The following ZXDA variants were observed in gnomAD, a reference collection of about 807,000 sequenced individuals.
ZXDA encodes zinc finger X-linked protein ZXDA.
ZXDA carries 5 observed loss-of-function variants against 10.1 expected under a neutral mutation model. That is an observed-to-expected ratio of 0.50 (90% CI 0.26 to 1.04). ZXDA has a LOEUF of 1.04. Ranked by LOEUF, ZXDA falls within the 50% of genes least tolerant of loss-of-function variation. ZXDA has a pLI of 0.14. For synonymous variants in ZXDA, 266 were observed against 313.1 expected, an observed-to-expected ratio of 0.85 and a Z score of 1.59; for missense variants, 501 against 672.4, an observed-to-expected ratio of 0.75 and a Z score of 2.82.
Position 57,909,002 on chromosome X carries a change from C to T in ZXDA, c.1419G>A (p.Lys473=), listed in dbSNP as rs1214018615. The T allele has an allele frequency of 1.7e-6, 2 of 1,211,768 alleles. No homozygotes were observed. The highest frequency in any genetic ancestry group is 2.2e-6 in the Non-Finnish European group (2 of 895,532). ...SMSKLLRHKR[K]HDDDRRFMCP... is the part of the protein sequence containing the mutation. ...ACATGAACCTCCGGTCATCGTCGTGCTTCCTTTTGTGCCTTAAGAGTTTGG... is the reference window on the plus strand; with the variant it reads ...ACATGAACCTCCGGTCATCGTCGTGTTTCCTTTTGTGCCTTAAGAGTTTGG... The change falls in exon 1 of 1, where the codon AAG becomes AAA. Residue 473 remains lysine, a synonymous_variant. Transcript: ENST00000358697.
At position 57,908,111 on chromosome X, in the gene ZXDA, G is replaced by A. The variant is rs1433912961; in HGVS notation, c.2310C>T (p.Thr770=). The A allele has an allele frequency of 1.7e-6, 2 of 1,211,977 alleles. No individual in the cohort carries two copies. The highest frequency in any genetic ancestry group is 3.5e-5 in the South Asian group (2 of 56,993). The part of the protein sequence containing the change: ...NSDFFGQEGE[T]QFGFPNAAGN... The stretch of plus-strand genomic sequence containing the variant: ...CTGCTGCATTGGGGAATCCAAACTG[G>A]GTTTCTCCCTCCTGTCCAAAGAAGT... The change falls in exon 1 of 1, where the codon ACC becomes ACT. Residue 770 remains threonine, a synonymous_variant. Transcript: ENST00000358697.
chrX:57,907,039 T>G lies in ZXDA; in HGVS notation c.*982A>C, dbSNP rs961807874. 3.5e-5 allele frequency: 4 copies of G among 112,780 alleles called. 1 individual carries two copies. Among genetic ancestry groups the G allele is most frequent in the Non-Finnish European group, 5.6e-5 (3 of 53,287 alleles). The allele number at this position is 112,780 out of a possible 1,213,427, so 9.3% of individuals were successfully genotyped here. ...GACCGAAGATACTATCAAATTGGTC[T>G]AATGGACATGTGGCCAATGCCACAA... On this transcript the variant is annotated 3_prime_UTR_variant, in exon 1 of 1. Transcript: ENST00000358697.
Position 57,906,656 on chromosome X carries a change from C to CCACACA in ZXDA, c.*1364_*1365insTGTGTG, listed in dbSNP as rs1569184879. The CCACACA allele has an allele frequency of 4.1e-3, 352 of 85,350 alleles. No homozygotes were observed. The highest frequency in any genetic ancestry group is 0.016 in the African/African-American group (328 of 19,880). The allele number at this position is 85,350 out of a possible 1,213,427, so 7.0% of individuals were successfully genotyped here. ...GGAAATATTTCCTCTTTGTTTTGAGCTACACACACACACACACACACACAC... is the reference window on the plus strand; with the variant it reads ...GGAAATATTTCCTCTTTGTTTTGAGCCACACATACACACACACACACACACACACAC... On this transcript the variant is annotated 3_prime_UTR_variant, in exon 1 of 1. Coordinates refer to ENST00000358697, the MANE Select transcript of ZXDA (RefSeq NM_007156.5).
Position 57,909,319 on chromosome X carries a change from T to G in ZXDA, c.1102A>C (p.Ser368Arg), listed in dbSNP as rs2014395294. Residue 368 changes from serine (S) to arginine (R), a missense_variant, in exon 1 of 1, where the codon AGC (serine) becomes CGC (arginine). By Grantham distance (110) the Ser-to-Arg change is moderately radical. Around this residue, in one of 5 missense-constraint regions of ZXDA, gnomAD observed 171 missense variants for 262.7 expected, o/e 0.65. Transcript: ENST00000358697. ...CCGAGTTTGGCCTGCGTGGGGAAGCTCTCCTCGCACACCTCACATTTGAAC... is the reference window on the plus strand; with the variant it reads ...CCGAGTTTGGCCTGCGTGGGGAAGCGCTCCTCGCACACCTCACATTTGAAC... ...NSFKCEVCEE[S>R]FPTQAKLGAH... 3 of 1,210,094 alleles carry G rather than the reference T, an allele frequency of 2.5e-6. No homozygotes were observed.
chrX:57,910,012 C>A lies in ZXDA; in HGVS notation c.409G>T (p.Ala137Ser). ...ESGANPAGCS[A>S]QGPHCLSAVP... ...GCGGACAGGCAGTGGGGGCCCTGCG[C>A]AGAGCAGCCCGCGGGGTTCGCGCCG... The change falls in exon 1 of 1, where the codon GCG (alanine) becomes TCG (serine). Residue 137 changes from alanine (A) to serine (S), a missense_variant. Ala to Ser is a moderately conservative substitution (Grantham distance 99). Transcript: ENST00000358697. 2.8e-6 allele frequency: 3 copies of A among 1,067,423 alleles called. 1 individual carries two copies. The highest frequency in any genetic ancestry group is 3.7e-6 in the Non-Finnish European group (3 of 813,734). 88.0% of individuals were successfully genotyped at this position (1,067,423 alleles called of 1,213,427 possible).
rs1756678017 is a variant in ZXDA at position 57,909,227 on chromosome X, C to T, written c.1194G>A (p.Lys398=). 1 of 1,210,466 alleles carries T rather than the reference C, an allele frequency of 8.3e-7. No individual in the cohort carries two copies. Among genetic ancestry groups the T allele is most frequent in the South Asian group, 1.8e-5 (1 of 56,832 alleles). The change falls in exon 1 of 1, where the codon AAG becomes AAA. Residue 398 remains lysine, a synonymous_variant. Transcript: ENST00000358697. ...ACAGAGCACTCACTGTGATAAATGT[C>T]TTCTTGCAGCCAGAAAACGCGCACT... ...PYQCAFSGCK[K]TFITVSALFS...
Position 57,909,465 on chromosome X carries a change from C to T in ZXDA, c.956G>A (p.Arg319Lys), listed in dbSNP as rs1298490960. 2 of 1,210,654 alleles carry T rather than the reference C, an allele frequency of 1.7e-6. No individual in the cohort carries two copies. Among genetic ancestry groups the T allele is most frequent in the African/African-American group, 3.5e-5 (2 of 57,475 alleles). The change falls in exon 1 of 1, where the codon AGG (arginine) becomes AAG (lysine). Residue 319 changes from arginine (R) to lysine (K), a missense_variant. This residue lies in a region of ZXDA where 171 missense variants were observed against 262.7 expected (regional missense o/e 0.65). Transcript: ENST00000358697. ...WTFTTSYKLK[R>K]HLQSHDKLRP... ...CAGTTTATCGTGCGACTGCAGGTGC[C>T]TCTTGAGCTTGTAAGAGGTGGTGAA...
rs199637862 is a variant in ZXDA, at chrX:57,905,727, T to TAAA, written c.*2291_*2293dup. ...ACGGACAATCACAAGATCTTTATCCTAAAAAAAAAAAATTTGTCCTTTGAA... is the reference window on the plus strand; with the variant it reads ...ACGGACAATCACAAGATCTTTATCCTAAAAAAAAAAAAAAATTTGTCCTTTGAA... On this transcript the variant is annotated 3_prime_UTR_variant, in exon 1 of 1. Coordinates refer to ENST00000358697, the MANE Select transcript of ZXDA (RefSeq NM_007156.5). 4.8e-5 allele frequency among the ~76,000 whole-genome samples: 5 copies of TAAA among 104,678 alleles called. No individual in the cohort carries two copies. Among genetic ancestry groups the TAAA allele is most frequent in the African/African-American group, 1.7e-4 (5 of 29,036 alleles). 90.9% of individuals were successfully genotyped at this position (104,678 alleles called of 115,157 possible).
chrX:57,908,989 G>A lies in ZXDA; in HGVS notation c.1432C>T (p.Arg478Trp), dbSNP rs781367577. The change falls in exon 1 of 1, where the codon CGG becomes TGG. Residue 478 changes from arginine (R) to tryptophan (W), a missense_variant. Physicochemically the swap from Arg to Trp is moderately radical, Grantham distance 101. Around this residue, in one of 5 missense-constraint regions of ZXDA, gnomAD observed 171 missense variants for 262.7 expected, o/e 0.65. Coordinates refer to ENST00000358697, the MANE Select transcript of ZXDA (RefSeq NM_007156.5). ...CCTTCCACAGGGCACATGAACCTCC[G>A]GTCATCGTCGTGCTTCCTTTTGTGC... ...LRHKRKHDDD[R>W]RFMCPVEGCG... 1 of 1,209,514 alleles carries A rather than the reference G, an allele frequency of 8.3e-7. No individual in the cohort carries two copies. The highest frequency in any genetic ancestry group is 1.1e-6 in the Non-Finnish European group (1 of 895,130).
Position 57,909,695 on chromosome X carries a change from C to A in ZXDA, c.726G>T (p.Gln242His). The stretch of plus-strand genomic sequence containing the variant: ...CGGCGGCCAGGCCCTCCGCCTCCTC[C>A]TGGGGCGCCGGAGCAGGCGCGGGTT... ...PAEPAPAPAP[Q>H]EEAEGLAAAL... Residue 242 changes from glutamine to histidine, a missense_variant, in exon 1 of 1, where the codon CAG (glutamine) becomes CAT (histidine). Physicochemically the swap from Gln to His is conservative, Grantham distance 24 (BLOSUM62 0). Transcript: ENST00000358697. The A allele has an allele frequency of 1.2e-5, 14 of 1,179,266 alleles. No homozygotes were observed. Among genetic ancestry groups the A allele is most frequent in the Non-Finnish European group, 1.6e-5 (14 of 879,874 alleles).
Position 57,910,337 on chromosome X carries a change from G to C in ZXDA, c.84C>G (p.Val28=). 9.7e-7 allele frequency: 1 copy of C among 1,034,373 alleles called. No individual in the cohort carries two copies. Among genetic ancestry groups the C allele is most frequent in the African/African-American group, 2.0e-5 (1 of 49,038 alleles). 85.2% of individuals were successfully genotyped at this position (1,034,373 alleles called of 1,213,427 possible). A position where few individuals can be genotyped will look rare whatever the true frequency, so the allele number is the denominator to read the frequency against. Residue 28 remains valine, a synonymous_variant, in exon 1 of 1, where the codon GTC becomes GTG. Coordinates refer to ENST00000358697, the MANE Select transcript of ZXDA (RefSeq NM_007156.5). ...CAGCCGGCGAGTCAGGGCCTCGGTG[G>C]ACTCGGCCGCCACCCGCGGGGATAC... ...GGGIPAGGGR[V]HRGPDSPAGQ...
chrX:57,908,919 C>T lies in ZXDA; in HGVS notation c.1502G>A (p.Ser501Asn). ...AGGCTTTGTGCCCAGGTGGGTAATG[C>T]TGTGGCCTTTCAGATGTTCGGCCCT... is the stretch of plus-strand genomic sequence containing the variant. Reference protein sequence around the residue: ...FTRAEHLKGHSITHLGTKPFV... With the variant: ...FTRAEHLKGHNITHLGTKPFV... Residue 501 changes from serine to asparagine, a missense_variant, in exon 1 of 1, where the codon AGC (serine) becomes AAC (asparagine). Around this residue, in one of 5 missense-constraint regions of ZXDA, gnomAD observed 171 missense variants for 262.7 expected, o/e 0.65. Transcript: ENST00000358697. 4.1e-6 allele frequency: 5 copies of T among 1,211,740 alleles called. No individual in the cohort carries two copies. The highest frequency in any genetic ancestry group is 5.6e-6 in the Non-Finnish European group (5 of 895,477).
Position 57,909,030 on chromosome X carries a change from A to G in ZXDA, c.1391T>C (p.Met464Thr). Reference sequence around the variant, plus strand: ...CCTTTTGTGCCTTAAGAGTTTGGACATGCTGGTGAAGTTCCAGCCACAGCC... The same window carrying G: ...CCTTTTGTGCCTTAAGAGTTTGGACGTGCTGGTGAAGTTCCAGCCACAGCC... ...FDGCGWNFTS[M>T]SKLLRHKRKH... The change falls in exon 1 of 1, where the codon ATG becomes ACG. Residue 464 changes from methionine to threonine, a missense_variant. Met to Thr is a moderately conservative substitution (Grantham distance 81, BLOSUM62 -1). Around this residue, in one of 5 missense-constraint regions of ZXDA, gnomAD observed 171 missense variants for 262.7 expected, o/e 0.65. Coordinates refer to ENST00000358697, the MANE Select transcript of ZXDA (RefSeq NM_007156.5). The G allele has an allele frequency of 8.3e-7, 1 of 1,211,569 alleles. No individual in the cohort carries two copies. The highest frequency in any genetic ancestry group is 1.8e-5 in the South Asian group (1 of 56,964).
chrX:57,906,656 C>CCACACACACA lies in ZXDA; in HGVS notation c.*1364_*1365insTGTGTGTGTG, dbSNP rs1569184879. 2.5e-4 allele frequency: 21 copies of CCACACACACA among 85,357 alleles called. No homozygotes were observed. Among genetic ancestry groups the CCACACACACA allele is most frequent in the African/African-American group, 1.1e-3 (21 of 19,886 alleles). The allele number at this position is 85,357 out of a possible 1,213,427, so 7.0% of individuals were successfully genotyped here. On this transcript the variant is annotated 3_prime_UTR_variant, in exon 1 of 1. Transcript: ENST00000358697. Reference sequence around the variant, plus strand: ...GGAAATATTTCCTCTTTGTTTTGAGCTACACACACACACACACACACACAC... The same window carrying CCACACACACA: ...GGAAATATTTCCTCTTTGTTTTGAGCCACACACACATACACACACACACACACACACACAC...
rs767575056 is a variant in ZXDA at position 57,910,365 on chromosome X, C to T, written c.56G>A (p.Gly19Asp). ...ARGTLQGGGGGGIPAGGGRVH... is the reference protein window; with the variant it reads ...ARGTLQGGGGDGIPAGGGRVH... ...TCGGCCGCCACCCGCGGGGATACCGCCGCCGCCGCCGCCCTGTAGTGTCCC... is the reference window on the plus strand; with the variant it reads ...TCGGCCGCCACCCGCGGGGATACCGTCGCCGCCGCCGCCCTGTAGTGTCCC... Residue 19 changes from glycine (G) to aspartate (D), a missense_variant, in exon 1 of 1, where the codon GGC becomes GAC. Physicochemically the swap from Gly to Asp is moderately conservative, Grantham distance 94. Coordinates refer to ENST00000358697, the MANE Select transcript of ZXDA (RefSeq NM_007156.5). 24 of 1,028,695 alleles carry T rather than the reference C, an allele frequency of 2.3e-5. No individual in the cohort carries two copies. The South Asian group carries it at 6.7e-4, about 29-fold the overall frequency. The allele number at this position is 1,028,695 out of a possible 1,213,427, so 84.8% of individuals were successfully genotyped here.
chrX:57,910,346 G>A lies in ZXDA; in HGVS notation c.75C>T (p.Gly25=). ...AGTCAGGGCCTCGGTGGACTCGGCC[G>A]CCACCCGCGGGGATACCGCCGCCGC... ...GGGGGGIPAG[G]GRVHRGPDSP... The change falls in exon 1 of 1, where the codon GGC becomes GGT. Residue 25 remains glycine (G), a synonymous_variant. Transcript: ENST00000358697. The A allele has an allele frequency of 4.8e-6, 5 of 1,031,415 alleles. No homozygotes were observed. The highest frequency in any genetic ancestry group is 6.2e-6 in the Non-Finnish European group (5 of 812,316). 85.0% of individuals were successfully genotyped at this position (1,031,415 alleles called of 1,213,427 possible). A position where few individuals can be genotyped will look rare whatever the true frequency, so the allele number is the denominator to read the frequency against.
At position 57,909,781 on chromosome X, in the gene ZXDA, C is replaced by T; in HGVS notation, c.640G>A (p.Ala214Thr). ...LIAPQAGFPQ[A>T]AHPGDCPELR... ...TCTGGGCAGTCACCCGGGTGCGCGG[C>T]TTGCGGGAACCCAGCTTGGGGGGCG... Residue 214 changes from alanine to threonine, a missense_variant, in exon 1 of 1, where the codon GCC becomes ACC. Physicochemically the swap from Ala to Thr is moderately conservative, Grantham distance 58 (BLOSUM62 0). Transcript: ENST00000358697. 1 of 1,199,326 alleles carries T rather than the reference C, an allele frequency of 8.3e-7. No homozygotes were observed. Among genetic ancestry groups the T allele is most frequent in the Non-Finnish European group, 1.1e-6 (1 of 890,289 alleles).
Position 57,906,064 on chromosome X carries a change from G to A in ZXDA, c.*1957C>T, listed in dbSNP as rs1003582238. On this transcript the variant is annotated 3_prime_UTR_variant, in exon 1 of 1. Coordinates refer to ENST00000358697, the MANE Select transcript of ZXDA (RefSeq NM_007156.5). ...CTATTTCTTTGAATTACAAATTTAT[G>A]TGTATTTTTTGCTTTTTCATTGAAT... 1.8e-5 allele frequency among the ~76,000 whole-genome samples: 2 copies of A among 112,125 alleles called. No homozygotes were observed. Among genetic ancestry groups the A allele is most frequent in the Admixed American group, 9.4e-5 (1 of 10,620 alleles).
chrX:57,910,204 G>T lies in ZXDA; in HGVS notation c.217C>A (p.Leu73Met). The T allele has an allele frequency of 8.4e-7, 1 of 1,196,138 alleles. No individual in the cohort carries two copies. The highest frequency in any genetic ancestry group is 1.8e-5 in the South Asian group (1 of 55,923). Residue 73 changes from leucine (L) to methionine (M), a missense_variant, in exon 1 of 1, where the codon CTG (leucine) becomes ATG (methionine). By Grantham distance (15) the Leu-to-Met change is conservative (BLOSUM62 2). Transcript: ENST00000358697. ...GGTTGATGGGGCCTCGGCGCGAACAGGCTTGGGCCAGGGCCCCGTGATGCC... is the reference window on the plus strand; with the variant it reads ...GGTTGATGGGGCCTCGGCGCGAACATGCTTGGGCCAGGGCCCCGTGATGCC... ...STASRGPGPS[L>M]FAPRPHQPSG...
Sources: allele counts gnomAD v4.1 joint callset (sites outside exome capture counted in the v4.1 genomes callset), GRCh38; gene constraint gnomAD v4.1.1; regional missense constraint gnomAD v4.1.1; transcripts MANE v1.5; gene names NCBI Gene and HGNC (gene_info 2026-07-23, HGNC 2026-07-21).